AP3D1: variants seen among roughly 807,000 people sequenced by gnomAD.
AP3D1 encodes the protein adaptor related protein complex 3 subunit delta 1.
A neutral mutation model predicts 147.6 loss-of-function variants in AP3D1; 51 were observed. The observed-to-expected ratio is 0.35, with a 90% confidence interval of 0.28 to 0.44. The LOEUF (loss-of-function observed/expected upper bound fraction) is 0.44, where lower values mean the gene tolerates loss of function less well. AP3D1 is among the 20% of genes least tolerant of loss of function. The probability of loss-of-function intolerance (pLI) is 1.00; values close to 1 mark genes in which losing one functional copy is unlikely to be tolerated. For missense variants in AP3D1, 1,421 were observed against 1,624.2 expected (o/e 0.87, Z 2.15); for synonymous variants, 760 against 663.0 (o/e 1.15, Z -2.25).
chr19:2,153,672 C>G (rs2019622244), upstream of AP3D1, among the ~76,000 whole-genome samples: 2 of 143,572 alleles, frequency 1.4e-5, no homozygotes, highest in Admixed American at 1.4e-4. Context: ...AAGATTCCGT[C>G]TCAAAAAAAA....
chr19:2,108,744 G>C lies in AP3D1; in HGVS notation c.3495C>G (p.Cys1165Trp). 6.3e-7 allele frequency: 1 copy of C among 1,578,466 alleles called. No individual in the cohort carries two copies. The highest frequency in any genetic ancestry group is 1.2e-5 in the South Asian group (1 of 85,942). ...GGATGGAGCGGCTGTACATGGAGGCGCAGGAGTCCACTCGCTCCACAACTG... is the reference window on the plus strand; with the variant it reads ...GGATGGAGCGGCTGTACATGGAGGCCCAGGAGTCCACTCGCTCCACAACTG... ...HFSVVERVDS[C>W]ASMYSRSIQG... The change falls in exon 31 of 32, where the codon TGC becomes TGG. Residue 1165 changes from cysteine (C) to tryptophan (W), a missense_variant. Around this residue, in one of 6 missense-constraint regions of AP3D1, gnomAD observed 791 missense variants for 761.4 expected, o/e 1.04. Transcript: ENST00000643116.
At chr19:2,129,248 G>A (rs1410637116) in intron 7 of AP3D1, 70 bp downstream of exon 7, 2 of 1,596,538 alleles carry the variant, frequency 1.3e-6, no homozygotes, top group Non-Finnish European at 1.7e-6. Flanking sequence ...CACCCGCAGG[G>A]AATGCCCCAC....
At chr19:2,134,965 G>A (rs2019040404) in intron 4 of AP3D1, among the ~76,000 whole-genome samples, 1 of 152,200 alleles carries the variant, frequency 6.6e-6, no homozygotes, top group Non-Finnish European at 1.5e-5. Flanking sequence ...TGGTGAGGCT[G>A]AGGTGGGCAG....
upstream of AP3D1, among the ~76,000 whole-genome samples, chr19:2,154,781 C>T (rs942505116): frequency 3.9e-5 from 6 of 152,264 alleles, no homozygotes; most frequent in African/African-American, 1.4e-4. Flanking sequence ...ACAGGCCCTG[C>T]CTGGCTCCCC....
At chr19:2,114,609 T>C (rs1052655182) in intron 21 of AP3D1, 139 bp downstream of exon 21, 4 of 736,918 alleles carry the variant, frequency 5.4e-6, no homozygotes, top group African/African-American at 5.2e-5. Flanking sequence ...AGTGAGGACG[T>C]GGTCTGGGGA....
rs2018541130 is a variant in AP3D1 at position 2,119,160 on chromosome 19, C to T, written c.1482-328G>A. Among the ~76,000 whole-genome samples, 4 of 152,204 alleles carry T rather than the reference C, an allele frequency of 2.6e-5. 1 individual carries two copies. The South Asian group carries it at 8.3e-4, about 31-fold the overall frequency. ...GCAGGGAACAGACGGAACCGGGAGA[C>T]CCTGATCTGTGGGACAGTGGGGCCT... On this transcript the variant is annotated intron_variant, in intron 14 of 31. Coordinates refer to ENST00000643116, the MANE Select transcript of AP3D1 (RefSeq NM_001261826.3).
At chr19:2,134,466 G>A (rs1219813670) in intron 4 of AP3D1, among the ~76,000 whole-genome samples, 1 of 151,582 alleles carries the variant, frequency 6.6e-6, no homozygotes, top group African/African-American at 2.4e-5. Context: ...GCTGGGCGTG[G>A]TGGCTCACGC....
At chr19:2,104,673 T>TTG (rs1555699220) in intron 31 of AP3D1, among the ~76,000 whole-genome samples, 1 of 113,390 alleles carries the variant, frequency 8.8e-6, no homozygotes, top group Non-Finnish European at 2.1e-5. Context: ...CAAGTTTTTT[T>TTG]TTTTTTTTTT....
chr19:2,111,456 C>T, intron 25 of AP3D1, 124 bp from the exon 26 acceptor site: 1 of 1,341,876 alleles, frequency 7.5e-7, no homozygotes, highest in Admixed American at 2.1e-5. Context: ...CAAGGGGCTT[C>T]AAAGGAGCCG....
chr19:2,116,517 G>T (rs1055692924), intron 17 of AP3D1, 88 bp downstream of exon 17: 1 of 1,446,836 alleles, frequency 6.9e-7, no homozygotes, highest in Non-Finnish European at 9.1e-7. Context: ...TCAGGGCCAG[G>T]ACCCACAGAG....
chr19:2,139,269 C>T (rs1329718299), intron 1 of AP3D1, among the ~76,000 whole-genome samples: 1 of 152,036 alleles, frequency 6.6e-6, no homozygotes, highest in African/African-American at 2.4e-5. Context: ...TGGTGGCGCA[C>T]AGCATTCCGC....
intron 15 of AP3D1, among the ~76,000 whole-genome samples, chr19:2,117,700 C>T (rs1261384516): frequency 6.6e-6 from 1 of 152,254 alleles, no homozygotes; most frequent in African/African-American, 2.4e-5. Context: ...GTGCTGGCTC[C>T]AACTCAGACA....
chr19:2,130,400 C>T lies in AP3D1; in HGVS notation c.592+8G>A. ...CTCAACCCTGAGGCTTAACTCAAAT[C>T]CACAAACCGGGGTCGGGGTCCTCCA... is the stretch of plus-strand genomic sequence containing the variant. On this transcript the variant is annotated splice_region_variant and intron_variant, in intron 6 of 31. Transcript: ENST00000643116. 6.2e-7 allele frequency: 1 copy of T among 1,613,832 alleles called. No homozygotes were observed. The highest frequency in any genetic ancestry group is 8.5e-7 in the Non-Finnish European group (1 of 1,179,970).
At chr19:2,162,833 G>A (rs1451866536) in intron 1 of AP3D1, among the ~76,000 whole-genome samples, 1 of 152,148 alleles carries the variant, frequency 6.6e-6, no homozygotes, top group Non-Finnish European at 1.5e-5. Flanking sequence ...TCACCCAGCA[G>A]GGAAGGGGTG....
At chr19:2,112,118 C>T (rs1008713202) in intron 24 of AP3D1, 5 of 481,508 alleles carry the variant, frequency 1.0e-5, no homozygotes, top group Admixed American at 1.0e-4. Flanking sequence ...CCACACTTGA[C>T]GCAGCAACCC....
chr19:2,116,995 G>A, intron 16 of AP3D1: 1 of 791,044 alleles, frequency 1.3e-6, no homozygotes, highest in South Asian at 2.1e-5. Flanking sequence ...TTTATGGCAA[G>A]GGTGGGAGCA....
At chr19:2,112,707 C>T (rs1054212610) in intron 24 of AP3D1, 153 bp downstream of exon 24, 6 of 573,614 alleles carry the variant, frequency 1.0e-5, no homozygotes, top group Admixed American at 3.5e-5. Context: ...AACACAAGAC[C>T]ACAACCACAA....
At chr19:2,115,882 G>T (rs2018433434) in intron 18 of AP3D1, among the ~76,000 whole-genome samples, 1 of 152,252 alleles carries the variant, frequency 6.6e-6, no homozygotes, top group Non-Finnish European at 1.5e-5. Context: ...TTTTTTACGT[G>T]AATATTCTGT....
At chr19:2,104,147 C>T (rs2018037701) in intron 31 of AP3D1, among the ~76,000 whole-genome samples, 1 of 121,072 alleles carries the variant, frequency 8.3e-6, no homozygotes, top group Non-Finnish European at 2.0e-5. Context: ...AACGCCAAGA[C>T]ACCAACACTC....
Sources: gnomAD v4.1 joint callset for allele counts (sites outside exome capture counted in the v4.1 genomes callset) on GRCh38, gnomAD v4.1.1 for gene constraint, gnomAD v4.1.1 regional missense constraint, MANE v1.5 for transcripts, NCBI Gene and HGNC (gene_info 2026-07-23, HGNC 2026-07-21) for gene names.